Variants in NRXN3 observed in about 807,000 individuals in gnomAD.
The protein encoded by NRXN3 is neurexin III.
NRXN3 carries 32 observed loss-of-function variants against 137.6 expected under a neutral mutation model. That is an observed-to-expected ratio of 0.23 (90% CI 0.18 to 0.31). The LOEUF is 0.31. Among genes scored for constraint, NRXN3 ranks in the 10% least tolerant of loss-of-function variants. The probability of loss-of-function intolerance (pLI) is 1.00; values close to 1 mark genes in which losing one functional copy is unlikely to be tolerated. For synonymous variants in NRXN3, 798 were observed against 784.5 expected, an observed-to-expected ratio of 1.02 and a Z score of -0.29; for missense variants, 1,574 against 2,062.5, an observed-to-expected ratio of 0.76 and a Z score of 4.59.
At chr14:79,180,617 C>G (rs2062822564) in intron 15 of NRXN3, among the ~76,000 whole-genome samples, 1 of 152,090 alleles carries the variant, frequency 6.6e-6, no homozygotes, top group African/African-American at 2.4e-5. Context: ...GCATGGTGTA[C>G]TTTATATAAC....
At chr14:78,187,607 G>A (rs762329207) in intron 1 of NRXN3, among the ~76,000 whole-genome samples, 3 of 152,080 alleles carry the variant, frequency 2.0e-5, no homozygotes, top group Non-Finnish European at 4.4e-5. Flanking sequence ...CAGTAATAAC[G>A]ATGGCCAAAT....
At position 79,243,112 on chromosome 14, in the gene NRXN3, C is replaced by G. The variant is rs188524326; in HGVS notation, c.3263-224109C>G. ...CAAAATGAGATAATGCATTCATATA[C>G]TGATTCAGCAAACATTTATTATGAC... On this transcript the variant is annotated intron_variant, in intron 15 of 20. Transcript: ENST00000335750. Among the ~76,000 whole-genome samples, 195 of 152,242 alleles carry G rather than the reference C, an allele frequency of 1.3e-3. 1 individual carries two copies. The highest frequency in any genetic ancestry group is 4.4e-3 in the South Asian group (21 of 4,826).
intron 2 of NRXN3, among the ~76,000 whole-genome samples, chr14:78,259,131 CAAAA>C (rs138126967): frequency 2.1e-5 from 2 of 93,128 alleles, no homozygotes. Context: ...GACTCCATCT[CAAAA>C]AAAAAAAAAA....
At chr14:79,605,966 A>G (rs2098008581) in intron 16 of NRXN3, among the ~76,000 whole-genome samples, 1 of 152,194 alleles carries the variant, frequency 6.6e-6, no homozygotes, top group South Asian at 2.1e-4. Context: ...TAATCATGCC[A>G]GGCTGATGGA....
chr14:78,810,300 T>C lies in NRXN3; in HGVS notation c.2249-18T>C, dbSNP rs2098903626. ...TGAAGGATGCAATTTCATCTTTCAT[T>C]TATTTTTCCCCATCTAGACTGTATC... is the stretch of plus-strand genomic sequence containing the variant. On this transcript the variant is annotated intron_variant, in intron 9 of 20. Coordinates refer to ENST00000335750, the MANE Select transcript of NRXN3 (RefSeq NM_001330195.2). 2 of 1,501,106 alleles carry C rather than the reference T, an allele frequency of 1.3e-6. No homozygotes were observed. Among genetic ancestry groups the C allele is most frequent in the African/African-American group, 1.4e-5 (1 of 70,650 alleles). The allele number at this position is 1,501,106 out of a possible 1,614,324, so 93.0% of individuals were successfully genotyped here.
intron 16 of NRXN3, among the ~76,000 whole-genome samples, chr14:79,589,452 T>C (rs1442304053): frequency 6.6e-6 from 1 of 150,632 alleles, no homozygotes; most frequent in Non-Finnish European, 1.5e-5. Flanking sequence ...CATTTTTTTT[T>C]CCAGTTGTTT....
At chr14:79,499,892 T>G (rs1298511556) in intron 16 of NRXN3, among the ~76,000 whole-genome samples, 2 of 151,980 alleles carry the variant, frequency 1.3e-5, no homozygotes, top group Admixed American at 1.3e-4. Flanking sequence ...TCATCAGACA[T>G]GTAGTGAGGA....
At chr14:78,853,666 C>T (rs1207258011) in intron 10 of NRXN3, among the ~76,000 whole-genome samples, 1 of 152,158 alleles carries the variant, frequency 6.6e-6, no homozygotes, top group Non-Finnish European at 1.5e-5. Context: ...GACTGACTCA[C>T]TTTCTAGAAT....
At chr14:78,587,885 A>G (rs956941343) in intron 4 of NRXN3, among the ~76,000 whole-genome samples, 5 of 152,018 alleles carry the variant, frequency 3.3e-5, no homozygotes, top group African/African-American at 4.8e-5. Context: ...TTAGTTTGCT[A>G]CCTTCTTCTT....
intron 15 of NRXN3, among the ~76,000 whole-genome samples, chr14:79,377,484 T>G (rs1338003989): frequency 6.6e-6 from 1 of 152,196 alleles, no homozygotes; most frequent in African/African-American, 2.4e-5. Context: ...CTGTGCATAG[T>G]GGCTCATGCC....
chr14:79,425,575 A>G (rs1216670871), intron 15 of NRXN3, among the ~76,000 whole-genome samples: 1 of 152,204 alleles, frequency 6.6e-6, no homozygotes, highest in East Asian at 1.9e-4. Context: ...CAATAATCCT[A>G]TGAATTAGCA....
chr14:79,764,095 A>G (rs138007070), intron 19 of NRXN3, among the ~76,000 whole-genome samples: 20 of 150,696 alleles, frequency 1.3e-4, no homozygotes, highest in African/African-American at 4.4e-4. Context: ...ACCCTGTCCA[A>G]TGATACTTAG....
chr14:78,586,989 G>T (rs2097070333), intron 4 of NRXN3, among the ~76,000 whole-genome samples: 1 of 152,186 alleles, frequency 6.6e-6, no homozygotes, highest in South Asian at 2.1e-4. Flanking sequence ...TGAGGCCCGG[G>T]ACATTTTCTC....
At chr14:79,054,309 T>C (rs1025355779) in intron 15 of NRXN3, among the ~76,000 whole-genome samples, 13 of 151,662 alleles carry the variant, frequency 8.6e-5, no homozygotes, top group Non-Finnish European at 1.3e-4. Context: ...TTAAAGTATA[T>C]AAAAGAAAAA....
intron 10 of NRXN3, among the ~76,000 whole-genome samples, chr14:78,921,987 G>T (rs1378707952): frequency 1.3e-5 from 2 of 152,100 alleles, no homozygotes; most frequent in Non-Finnish European, 2.9e-5. Context: ...CTTTTGTTCT[G>T]GTTTATCTCA....
At chr14:79,726,159 T>C (rs1484643253) in intron 19 of NRXN3, among the ~76,000 whole-genome samples, 1 of 152,182 alleles carries the variant, frequency 6.6e-6, no homozygotes, top group Non-Finnish European at 1.5e-5. Flanking sequence ...TCTGTTATTC[T>C]CTAATATATT....
At chr14:78,384,261 C>G (rs973180180) in intron 4 of NRXN3, among the ~76,000 whole-genome samples, 1 of 152,002 alleles carries the variant, frequency 6.6e-6, no homozygotes, top group Non-Finnish European at 1.5e-5. Context: ...ATTGGTTGAG[C>G]CTGTCACGTG....
chr14:79,475,095 G>A (rs959959408), intron 16 of NRXN3, among the ~76,000 whole-genome samples: 3 of 152,194 alleles, frequency 2.0e-5, no homozygotes, highest in African/African-American at 7.2e-5. Context: ...AGACTGTGGG[G>A]AGCTAAGTAG....
intron 15 of NRXN3, among the ~76,000 whole-genome samples, chr14:79,105,782 G>A (rs2052313832): frequency 6.6e-6 from 1 of 152,164 alleles, no homozygotes; most frequent in Non-Finnish European, 1.5e-5. Flanking sequence ...TGGAGAGAAT[G>A]TCAAAGGTAC....
Sources: gnomAD v4.1 joint callset for allele counts (sites outside exome capture counted in the v4.1 genomes callset) on GRCh38, gnomAD v4.1.1 for gene constraint, MANE v1.5 for transcripts, NCBI Gene and HGNC (gene_info 2026-07-23, HGNC 2026-07-21) for gene names.